Variants in CDH20 observed in about 807,000 individuals in gnomAD.
The protein encoded by CDH20 is cadherin-20.
In CDH20, 29 loss-of-function variants were observed where a neutral mutation model predicts 74.2. The ratio of observed to expected loss-of-function variants is 0.39; its 90% CI spans 0.29 to 0.53. CDH20 has a LOEUF of 0.53. CDH20 is among the 20% of genes least tolerant of loss of function. The pLI, the probability that CDH20 is intolerant of heterozygous loss-of-function variation, is 0.69. For missense variants in CDH20, 988 were observed against 1,048.3 expected (o/e 0.94, Z 0.79); for synonymous variants, 469 against 405.4 (o/e 1.16, Z -1.88).
chr18:61,507,503 T>G lies in CDH20; in HGVS notation c.960T>G (p.Asp320Glu). ...CTATTGTGGATGGAGATGGTGCAGATGCCTTTGACATTAGCACAGATCCCA... is the reference window on the plus strand; with the variant it reads ...CTATTGTGGATGGAGATGGTGCAGAGGCCTTTGACATTAGCACAGATCCCA... ...KYTIVDGDGA[D>E]AFDISTDPNF... Residue 320 changes from aspartate to glutamate, a missense_variant, in exon 6 of 12, where the codon GAT becomes GAG. Asp to Glu is a conservative substitution (Grantham distance 45). Around this residue, in one of 2 missense-constraint regions of CDH20, gnomAD observed 613 missense variants for 755.2 expected, o/e 0.81. Transcript: ENST00000262717. 6.2e-7 allele frequency: 1 copy of G among 1,614,122 alleles called. No individual in the cohort carries two copies. Among genetic ancestry groups the G allele is most frequent in the Non-Finnish European group, 8.5e-7 (1 of 1,179,986 alleles).
At position 61,536,502 on chromosome 18, in the gene CDH20, T is replaced by C. The variant is rs1240418439; in HGVS notation, c.1281T>C (p.Ile427=). Residue 427 remains isoleucine (I), a synonymous_variant, in exon 8 of 12, where the codon ATT becomes ATC. Transcript: ENST00000262717. ...ATCCATGTTTCTGCAGATACTCCAT[T>C]GATAGAAGCAGTGACCCTGGAAGAT... ...DVTNNSIRYS[I]DRSSDPGRFF... 6.2e-7 allele frequency: 1 copy of C among 1,613,716 alleles called. No homozygotes were observed. The highest frequency in any genetic ancestry group is 1.1e-5 in the South Asian group (1 of 91,062).
At chr18:61,494,068 T>C (rs1471745445) in intron 2 of CDH20, among the ~76,000 whole-genome samples, 1 of 152,198 alleles carries the variant, frequency 6.6e-6, no homozygotes, top group Non-Finnish European at 1.5e-5. Context: ...ATAACAATGC[T>C]GTGAGGTGAG....
chr18:61,356,030 G>A (rs1910485509), intron 1 of CDH20, among the ~76,000 whole-genome samples: 1 of 152,144 alleles, frequency 6.6e-6, no homozygotes, highest in South Asian at 2.1e-4. Context: ...ACAATTCTTG[G>A]CCCTCAGGGT....
intron 7 of CDH20, among the ~76,000 whole-genome samples, chr18:61,536,244 C>G (rs1190182836): frequency 6.6e-6 from 1 of 152,152 alleles, no homozygotes; most frequent in Admixed American, 6.5e-5. Context: ...ACAACTTCCC[C>G]AAGACTGTCG....
At chr18:61,412,831 A>G (rs1912556874) in intron 1 of CDH20, among the ~76,000 whole-genome samples, 1 of 152,174 alleles carries the variant, frequency 6.6e-6, no homozygotes, top group African/African-American at 2.4e-5. Context: ...GTTAGGTATG[A>G]CCCATATTTG....
chr18:61,341,295 T>C (rs900529583), intron 1 of CDH20, among the ~76,000 whole-genome samples: 1 of 152,208 alleles, frequency 6.6e-6, no homozygotes, highest in Non-Finnish European at 1.5e-5. Flanking sequence ...CAGACTGCTA[T>C]CATCTCATTG....
At chr18:61,528,345 G>T in intron 7 of CDH20, 125 bp downstream of exon 7, 19 of 981,608 alleles carry the variant, frequency 1.9e-5, no homozygotes, top group East Asian at 5.0e-5. Flanking sequence ...TCTCCTCTTT[G>T]AGTTTTTTGT....
intron 2 of CDH20, among the ~76,000 whole-genome samples, chr18:61,497,628 G>A (rs974795213): frequency 7.9e-5 from 12 of 152,156 alleles, no homozygotes; most frequent in Admixed American, 7.2e-4. Flanking sequence ...CCTATAATGG[G>A]AAAAGCACTG....
rs181644929 is a variant in CDH20, at chr18:61,355,234, C to T, written c.-153+21407C>T. ...GTTCAAATTATTCTACTGTTTTTAG[C>T]ATTCAATAGAAGAACCAATGTAGCT... is the stretch of plus-strand genomic sequence containing the variant. On this transcript the variant is annotated intron_variant, in intron 1 of 11. Transcript: ENST00000262717. Among the ~76,000 whole-genome samples, 118 of 152,300 alleles carry T rather than the reference C, an allele frequency of 7.7e-4. 1 individual carries two copies. Among genetic ancestry groups the T allele is most frequent in the African/African-American group, 2.6e-3 (110 of 41,562 alleles).
chr18:61,383,938 T>C (rs1426611678), intron 1 of CDH20, among the ~76,000 whole-genome samples: 1 of 152,054 alleles, frequency 6.6e-6, no homozygotes, highest in Non-Finnish European at 1.5e-5. Flanking sequence ...GACCTGAAGA[T>C]CCCATATATG....
intron 1 of CDH20, among the ~76,000 whole-genome samples, chr18:61,414,128 G>C (rs1210524437): frequency 6.6e-6 from 1 of 152,032 alleles, no homozygotes; most frequent in Non-Finnish European, 1.5e-5. Context: ...TCGTATTTTA[G>C]AAACTAAAAA....
chr18:61,537,810 G>A (rs1050356213), intron 8 of CDH20, among the ~76,000 whole-genome samples: 1 of 152,118 alleles, frequency 6.6e-6, no homozygotes, highest in African/African-American at 2.4e-5. Context: ...AGCAATAGAA[G>A]TATTTAGGGG....
intron 6 of CDH20, among the ~76,000 whole-genome samples, chr18:61,515,936 T>TAA (rs142655279): frequency 5.5e-5 from 3 of 54,802 alleles, no homozygotes; most frequent in African/African-American, 1.4e-4. Flanking sequence ...AATAATAATT[T>TAA]TAAAAAAAAG....
At chr18:61,546,433 TA>T (rs1226764668) in intron 10 of CDH20, among the ~76,000 whole-genome samples, 1 of 152,198 alleles carries the variant, frequency 6.6e-6, no homozygotes, top group East Asian at 1.9e-4. Context: ...GAAGGAATGG[TA>T]ATATGAATTA....
At chr18:61,496,366 C>T (rs981129575) in intron 2 of CDH20, among the ~76,000 whole-genome samples, 1 of 149,600 alleles carries the variant, frequency 6.7e-6, no homozygotes, top group African/African-American at 2.5e-5. Flanking sequence ...GTGCTCCGAA[C>T]CTCCTGGAAA....
At chr18:61,455,665 C>G (rs966162309) in intron 1 of CDH20, among the ~76,000 whole-genome samples, 7 of 151,788 alleles carry the variant, frequency 4.6e-5, no homozygotes, top group African/African-American at 1.7e-4. Flanking sequence ...TTTATAAAAC[C>G]ACTGGAAGGT....
Position 61,380,500 on chromosome 18 carries a change from C to T in CDH20, c.-153+46673C>T, listed in dbSNP as rs149728140. On this transcript the variant is annotated intron_variant, in intron 1 of 11. Transcript: ENST00000262717. Reference sequence around the variant, plus strand: ...CCATATTTTCATGTTTTAATTTCTGCAACTTTTGTTGTAAAAATTATCAAG... The same window carrying T: ...CCATATTTTCATGTTTTAATTTCTGTAACTTTTGTTGTAAAAATTATCAAG... Among the ~76,000 whole-genome samples, 484 of 152,310 alleles carry T rather than the reference C, an allele frequency of 3.2e-3. 1 individual carries two copies. The highest frequency in any genetic ancestry group is 5.1e-3 in the Non-Finnish European group (344 of 68,028).
chr18:61,443,821 A>C (rs1468399100), intron 1 of CDH20, among the ~76,000 whole-genome samples: 1 of 152,046 alleles, frequency 6.6e-6, no homozygotes, highest in African/African-American at 2.4e-5. Flanking sequence ...ATGGTGCTCT[A>C]TTAGGAATTT....
At chr18:61,479,474 C>T (rs1568156985) in intron 1 of CDH20, among the ~76,000 whole-genome samples, 1 of 152,162 alleles carries the variant, frequency 6.6e-6, no homozygotes, top group Non-Finnish European at 1.5e-5. Flanking sequence ...CTCCTTCGCC[C>T]TTCAACAGTT....
Sources: gnomAD v4.1 joint callset for allele counts (sites outside exome capture counted in the v4.1 genomes callset) on GRCh38, gnomAD v4.1.1 for gene constraint, gnomAD v4.1.1 regional missense constraint, MANE v1.5 for transcripts, NCBI Gene and HGNC (gene_info 2026-07-23, HGNC 2026-07-21) for gene names.